ABCC1: variants seen among roughly 807,000 people sequenced by gnomAD.
ABCC1 encodes the protein multidrug resistance-associated protein 1.
A neutral mutation model predicts 172.9 loss-of-function variants in ABCC1; 83 were observed. The observed-to-expected ratio is 0.48, with a 90% CI of 0.40 to 0.58. The LOEUF is 0.58. Ranked by LOEUF, ABCC1 falls within the 20% of genes least tolerant of loss-of-function variation. The pLI is 0.00. For synonymous variants in ABCC1, 937 were observed against 825.2 expected (o/e 1.14, Z -2.32); for missense variants, 1,817 against 2,002.7 (o/e 0.91, Z 1.77).
At chr16:16,124,370 C>T (rs72777630) in intron 24 of ABCC1, among the ~76,000 whole-genome samples, 26,043 of 88,808 alleles carry the variant, frequency 0.29, 5,018 homozygotes, top group East Asian at 0.43. Context: ...TGACCCACTA[C>T]GCCCGGCTGT....
chr16:16,017,909 G>A (rs925580438), intron 5 of ABCC1, among the ~76,000 whole-genome samples: 13 of 152,162 alleles, frequency 8.5e-5, no homozygotes, highest in Admixed American at 2.6e-4. Context: ...GGGCCCTGGG[G>A]TGGGGAGGTG....
At chr16:16,006,713 A>ACCCT (rs2047543300) in intron 1 of ABCC1, among the ~76,000 whole-genome samples, 1 of 152,186 alleles carries the variant, frequency 6.6e-6, no homozygotes. Context: ...ACAGTATTTA[A>ACCCT]CCCTTCTGTG....
chr16:15,994,378 G>C (rs2046980259), intron 1 of ABCC1, among the ~76,000 whole-genome samples: 1 of 152,098 alleles, frequency 6.6e-6, no homozygotes, highest in Non-Finnish European at 1.5e-5. Context: ...AAACTCTCTG[G>C]ACCTCAGAGC....
chr16:16,097,968 A>C (rs947143743), intron 19 of ABCC1: 2 of 152,298 alleles, frequency 1.3e-5, no homozygotes, highest in African/African-American at 4.8e-5. Context: ...ACAAACGCCA[A>C]ACAATTAAGG....
intron 20 of ABCC1, among the ~76,000 whole-genome samples, chr16:16,104,222 C>T (rs1018951535): frequency 2.0e-5 from 3 of 152,106 alleles, no homozygotes; most frequent in Non-Finnish European, 4.4e-5. Flanking sequence ...AAGGGTACCC[C>T]AGTAGGTGGC....
At chr16:15,997,423 G>C (rs1236843577) in intron 1 of ABCC1, among the ~76,000 whole-genome samples, 1 of 152,120 alleles carries the variant, frequency 6.6e-6, no homozygotes, top group East Asian at 1.9e-4. Context: ...ATTTCTGTGG[G>C]CCAGGTTCCC....
chr16:16,140,399 A>C (rs1011860277), intron 30 of ABCC1, among the ~76,000 whole-genome samples: 1 of 152,092 alleles, frequency 6.6e-6, no homozygotes, highest in Non-Finnish European at 1.5e-5. Context: ...CCCAGGCTGG[A>C]GTGCAGTGGT....
intron 26 of ABCC1, among the ~76,000 whole-genome samples, chr16:16,127,174 C>A (rs938465926): frequency 6.6e-6 from 1 of 152,172 alleles, no homozygotes; most frequent in African/African-American, 2.4e-5. Flanking sequence ...GAATGTCAGG[C>A]CCAGACTTAA....
At chr16:16,034,023 CTTTTTTTT>C (rs10580146) in intron 6 of ABCC1, among the ~76,000 whole-genome samples, 1 of 86,830 alleles carries the variant, frequency 1.2e-5, no homozygotes, top group East Asian at 3.7e-4. Context: ...TAAGCATCAT[CTTTTTTTT>C]TTTTTTTTTT....
intron 19 of ABCC1, among the ~76,000 whole-genome samples, chr16:16,095,768 C>T (rs1032966394): frequency 6.6e-6 from 1 of 152,064 alleles, no homozygotes; most frequent in African/African-American, 2.4e-5. Flanking sequence ...TCAAGCGATC[C>T]TCCCACCTTG....
At chr16:15,954,006 C>CTTTTT (rs57768825) in intron 1 of ABCC1, among the ~76,000 whole-genome samples, 2 of 116,918 alleles carry the variant, frequency 1.7e-5, no homozygotes, top group Non-Finnish European at 1.7e-5. Flanking sequence ...CCTCCCCACC[C>CTTTTT]TTTTTTTTTT....
intron 1 of ABCC1, among the ~76,000 whole-genome samples, chr16:15,979,695 G>A (rs2046576736): frequency 6.6e-6 from 1 of 152,184 alleles, no homozygotes; most frequent in East Asian, 1.9e-4. Context: ...TGTTGCCCAG[G>A]CTGGTCTTGA....
chr16:15,987,353 G>C (rs951847445), intron 1 of ABCC1, among the ~76,000 whole-genome samples: 1 of 152,150 alleles, frequency 6.6e-6, no homozygotes, highest in Non-Finnish European at 1.5e-5. Context: ...TAGTATTACA[G>C]GGTGAGGAGC....
chr16:15,992,112 G>C (rs984332160), intron 1 of ABCC1, among the ~76,000 whole-genome samples: 1 of 151,966 alleles, frequency 6.6e-6, no homozygotes, highest in South Asian at 2.1e-4. Flanking sequence ...GCTGTGAACC[G>C]TGTGCGCGAG....
intron 1 of ABCC1, among the ~76,000 whole-genome samples, chr16:15,968,583 G>T (rs1007365747): frequency 5.3e-5 from 8 of 151,978 alleles, no homozygotes; most frequent in Non-Finnish European, 8.8e-5. Flanking sequence ...TACCATTTTG[G>T]CCAGGCTGGT....
chr16:16,077,548 G>A (rs1249557278), intron 15 of ABCC1, among the ~76,000 whole-genome samples: 1 of 147,286 alleles, frequency 6.8e-6, no homozygotes, highest in African/African-American at 2.7e-5. Flanking sequence ...GTGGACAGTG[G>A]CAGGTACTGT....
chr16:16,043,177 T>G (rs2049046540), intron 7 of ABCC1, among the ~76,000 whole-genome samples: 1 of 151,018 alleles, frequency 6.6e-6, no homozygotes, highest in African/African-American at 2.4e-5. Context: ...AAAAAATTTT[T>G]TTTTAGAAAT....
chr16:16,117,653 C>T (rs2044951610), intron 23 of ABCC1, among the ~76,000 whole-genome samples: 1 of 152,202 alleles, frequency 6.6e-6, no homozygotes, highest in Non-Finnish European at 1.5e-5. Context: ...CGCCTGTAAC[C>T]CTACCCCTTT....
intron 1 of ABCC1, among the ~76,000 whole-genome samples, chr16:15,965,392 C>T (rs552024268): frequency 1.7e-4 from 26 of 151,972 alleles, no homozygotes; most frequent in African/African-American, 6.0e-4. Flanking sequence ...CCCAGGTTCA[C>T]GCCATTCTCC....
Sources: gnomAD v4.1 joint callset for allele counts (sites outside exome capture counted in the v4.1 genomes callset) on GRCh38, gnomAD v4.1.1 for gene constraint, MANE v1.5 for transcripts, NCBI Gene and HGNC (gene_info 2026-07-23, HGNC 2026-07-21) for gene names.